SMG6: variants seen among roughly 807,000 people sequenced by gnomAD.
SMG6 encodes the protein SMG6 nonsense mediated mRNA decay factor, also known as telomerase-binding protein EST1A.
SMG6 carries 66 observed loss-of-function variants against 142.2 expected under a neutral mutation model. The observed-to-expected ratio is 0.46, with a 90% CI of 0.38 to 0.57. SMG6 has a LOEUF of 0.57. Among genes scored for constraint, SMG6 ranks in the 20% least tolerant of loss-of-function variants. The pLI, the probability that SMG6 is intolerant of heterozygous loss-of-function variation, is 0.00. For missense variants in SMG6, 1,793 were observed against 1,832.0 expected (o/e 0.98, Z 0.39); for synonymous variants, 779 against 702.4 (o/e 1.11, Z -1.72).
At chr17:2,153,132 T>C (rs892672220) in intron 13 of SMG6, among the ~76,000 whole-genome samples, 4 of 152,236 alleles carry the variant, frequency 2.6e-5, no homozygotes, top group Admixed American at 2.6e-4. Flanking sequence ...AACGCAAATT[T>C]ATAAACTTTC....
intron 13 of SMG6, among the ~76,000 whole-genome samples, chr17:2,172,212 G>C (rs765136203): frequency 3.3e-5 from 5 of 151,928 alleles, no homozygotes; most frequent in African/African-American, 4.8e-5. Flanking sequence ...TTAACACATG[G>C]TGTCTGCTTC....
chr17:2,303,366 G>C, intron 1 of SMG6: 8 of 1,219,114 alleles, frequency 6.6e-6, no homozygotes, highest in East Asian at 3.3e-5. Flanking sequence ...TGGGGCAAAA[G>C]GAACAGTCAC....
intron 13 of SMG6, among the ~76,000 whole-genome samples, chr17:2,132,489 T>G (rs1316287453): frequency 6.6e-6 from 1 of 152,094 alleles, no homozygotes; most frequent in Non-Finnish European, 1.5e-5. Context: ...TGGATGGTGC[T>G]CTTACCTGCT....
At chr17:2,179,536 A>G (rs2071744537) in intron 12 of SMG6, among the ~76,000 whole-genome samples, 1 of 151,912 alleles carries the variant, frequency 6.6e-6, no homozygotes, top group African/African-American at 2.4e-5. Flanking sequence ...TCTGTAGACT[A>G]TGGAAGACGA....
Position 2,101,888 on chromosome 17 carries a change from G to A in SMG6, c.3358-15987C>T, listed in dbSNP as rs199680715. ...AACTGCCACAGCTCTCCATGATCCA[G>A]AACATTCACAGGTGTTTCAGAGACC... On this transcript the variant is annotated intron_variant, in intron 13 of 18. Transcript: ENST00000263073. Among the ~76,000 whole-genome samples, 3 of 152,208 alleles carry A rather than the reference G, an allele frequency of 2.0e-5. No individual in the cohort carries two copies. The East Asian group carries it at 5.8e-4, about 29-fold the overall frequency.
At chr17:2,235,753 T>A (rs1308209724) in intron 10 of SMG6, 11 of 152,474 alleles carry the variant, frequency 7.2e-5, no homozygotes, top group African/African-American at 2.7e-4. Context: ...CATCCTTACC[T>A]AAGTGAAATG....
chr17:2,132,119 T>C, intron 13 of SMG6, among the ~76,000 whole-genome samples: 1 of 152,084 alleles, frequency 6.6e-6, no homozygotes, highest in Non-Finnish European at 1.5e-5. Flanking sequence ...GCAATCCTCC[T>C]GCCTTGGGCT....
At chr17:2,219,474 A>G (rs1323741623) in intron 10 of SMG6, among the ~76,000 whole-genome samples, 4 of 152,114 alleles carry the variant, frequency 2.6e-5, no homozygotes, top group Non-Finnish European at 1.5e-5. Flanking sequence ...TAAGAGTGTA[A>G]GCTGATACAC....
intron 13 of SMG6, among the ~76,000 whole-genome samples, chr17:2,171,283 AT>A (rs2071493220): frequency 6.6e-6 from 1 of 151,794 alleles, no homozygotes; most frequent in African/African-American, 2.4e-5. Flanking sequence ...AAAAATAATA[AT>A]AATAAAATAA....
intron 15 of SMG6, among the ~76,000 whole-genome samples, chr17:2,077,982 C>A (rs1400306968): frequency 2.0e-5 from 3 of 151,950 alleles, no homozygotes; most frequent in Non-Finnish European, 4.4e-5. Context: ...GCCTTAAATG[C>A]CAATAATAGG....
chr17:2,228,095 GCT>G (rs2073368804), intron 10 of SMG6, among the ~76,000 whole-genome samples: 1 of 152,142 alleles, frequency 6.6e-6, no homozygotes. Context: ...ACAAACTCTC[GCT>G]CTGTCACCCA....
chr17:2,239,459 G>C (rs1433872059), intron 9 of SMG6, among the ~76,000 whole-genome samples: 1 of 152,104 alleles, frequency 6.6e-6, no homozygotes, highest in African/African-American at 2.4e-5. Flanking sequence ...GATTAAGATG[G>C]AACATGCACA....
chr17:2,127,829 C>G, intron 13 of SMG6: 1 of 550,936 alleles, frequency 1.8e-6, no homozygotes. Flanking sequence ...TTCACATTCA[C>G]AGTCTGAGAC....
intron 13 of SMG6, among the ~76,000 whole-genome samples, chr17:2,168,509 A>T (rs1197837303): frequency 6.6e-6 from 1 of 152,174 alleles, no homozygotes; most frequent in Non-Finnish European, 1.5e-5. Context: ...TAAAAGGTCA[A>T]GAGTTCCTAA....
Position 2,172,773 on chromosome 17 carries a change from T to A in SMG6, c.3242A>T (p.Asp1081Val), listed in dbSNP as rs1234848430. 8 of 1,614,032 alleles carry A rather than the reference T, an allele frequency of 5.0e-6. No homozygotes were observed. The South Asian group carries it at 8.8e-5, about 18-fold the overall frequency. Residue 1081 changes from aspartate (D) to valine (V), a missense_variant, in exon 13 of 19, where the codon GAC (aspartate) becomes GTC (valine). This residue lies in a region of SMG6 where 1,597 missense variants were observed against 1,584.6 expected (regional missense o/e 1.01). Transcript: ENST00000263073. ...AAGAAGGGTGAGGTCATCATCCGGG[T>A]CCTTGTACAGTGGCACCTCAGACTG... The part of the protein sequence containing the change: ...VNQSEVPLYK[D>V]PDDDLTLLIL...
intron 11 of SMG6, 62 bp downstream of exon 11, chr17:2,188,337 T>G: frequency 1.5e-6 from 2 of 1,336,550 alleles, no homozygotes; most frequent in Non-Finnish European, 2.1e-6. Flanking sequence ...CATGGCACTG[T>G]GAGGTCTGGA....
intron 12 of SMG6, among the ~76,000 whole-genome samples, chr17:2,182,102 G>A (rs2071824194): frequency 6.6e-6 from 1 of 152,124 alleles, no homozygotes; most frequent in African/African-American, 2.4e-5. Context: ...AGTAAGGAAG[G>A]GACACTCAGT....
intron 8 of SMG6, among the ~76,000 whole-genome samples, chr17:2,258,229 A>G (rs764415379): frequency 8.6e-5 from 13 of 152,024 alleles, no homozygotes; most frequent in Non-Finnish European, 1.6e-4. Flanking sequence ...TGACTTGCCT[A>G]GAGCCTGAGC....
intron 13 of SMG6, among the ~76,000 whole-genome samples, chr17:2,146,776 G>A (rs563055994): frequency 6.6e-6 from 1 of 152,148 alleles, no homozygotes; most frequent in East Asian, 1.9e-4. Flanking sequence ...ATGTTGACCA[G>A]GCTAGTCTTC....
Sources: allele counts gnomAD v4.1 joint callset (sites outside exome capture counted in the v4.1 genomes callset), GRCh38; gene constraint gnomAD v4.1.1; regional missense constraint gnomAD v4.1.1; transcripts MANE v1.5; gene names NCBI Gene and HGNC (gene_info 2026-07-23, HGNC 2026-07-21).